XIRP2: variants seen among roughly 807,000 people sequenced by gnomAD.
XIRP2 encodes xin actin-binding repeat-containing protein 2.
Under a neutral mutation model 277.0 loss-of-function variants are expected in XIRP2, and 236 were observed. The observed-to-expected ratio is 0.85, with a 90% CI of 0.77 to 0.95. The LOEUF (loss-of-function observed/expected upper bound fraction) is 0.95. Among genes scored for constraint, XIRP2 ranks in the 40% least tolerant of loss-of-function variants. XIRP2 has a pLI of 0.00. For missense variants in XIRP2, 4,640 were observed against 4,157.5 expected (o/e 1.12, Z -3.19); for synonymous variants, 1,490 against 1,416.5 (o/e 1.05, Z -1.17).
intron 2 of XIRP2, among the ~76,000 whole-genome samples, chr2:167,032,224 A>G (rs1378895656): frequency 6.6e-6 from 1 of 152,156 alleles, no homozygotes; most frequent in African/African-American, 2.4e-5. Flanking sequence ...TATTTAATAA[A>G]TGGTGTTGGG....
chr2:166,913,567 G>A lies in XIRP2; in HGVS notation c.408+9677G>A, dbSNP rs560740979. On this transcript the variant is annotated intron_variant, in intron 2 of 10. Transcript: ENST00000409195. ...CATAGAAGTTTTAAGAGAGAAAGTA[G>A]GAACACATGAGGCCTGTGGAGGGCT... 7.9e-5 allele frequency among the ~76,000 whole-genome samples: 12 copies of A among 152,238 alleles called. No individual in the cohort carries two copies. In the East Asian group the frequency reaches 2.1e-3, roughly 27 times the overall value.
chr2:167,162,709 G>T lies in XIRP2; in HGVS notation c.562+26647G>T, dbSNP rs568146053. On this transcript the variant is annotated intron_variant, in intron 3 of 10. Transcript: ENST00000409195. ...GATATTTTCGTATATTTTTATTGAG[G>T]TATAATTTACACAGAATAAAATACA... Among the ~76,000 whole-genome samples, 72 of 152,188 alleles carry T rather than the reference G, an allele frequency of 4.7e-4. 1 individual carries two copies. Among genetic ancestry groups the T allele is most frequent in the Non-Finnish European group, 7.8e-4 (53 of 67,988 alleles).
At chr2:167,123,449 G>T (rs1007319838) in intron 2 of XIRP2, among the ~76,000 whole-genome samples, 4 of 152,180 alleles carry the variant, frequency 2.6e-5, no homozygotes, top group Admixed American at 6.6e-5. Flanking sequence ...TAGGGGTGCC[G>T]TAACAAAATG....
At chr2:167,018,755 A>C (rs903178618) in intron 2 of XIRP2, among the ~76,000 whole-genome samples, 1 of 151,948 alleles carries the variant, frequency 6.6e-6, no homozygotes, top group Non-Finnish European at 1.5e-5. Flanking sequence ...ATTTCCTACC[A>C]CTTACTGACA....
At chr2:167,040,728 C>A (rs1688638966) in intron 2 of XIRP2, among the ~76,000 whole-genome samples, 1 of 152,180 alleles carries the variant, frequency 6.6e-6, no homozygotes, top group Admixed American at 6.5e-5. Flanking sequence ...CTACCAGGGT[C>A]CCTGTCTGGC....
At chr2:166,907,313 A>G (rs1684549043) in intron 2 of XIRP2, among the ~76,000 whole-genome samples, 1 of 152,364 alleles carries the variant, frequency 6.6e-6, no homozygotes, top group Admixed American at 6.5e-5. Flanking sequence ...AGAATGTCAC[A>G]TCCATTTGTA....
At chr2:167,062,295 C>A (rs1449835451) in intron 2 of XIRP2, among the ~76,000 whole-genome samples, 1 of 152,150 alleles carries the variant, frequency 6.6e-6, no homozygotes, top group African/African-American at 2.4e-5. Flanking sequence ...TCTTGCTATA[C>A]CCCACTGGAC....
chr2:167,004,307 G>A (rs1475425945), intron 2 of XIRP2, among the ~76,000 whole-genome samples: 1 of 151,788 alleles, frequency 6.6e-6, no homozygotes, highest in Non-Finnish European at 1.5e-5. Flanking sequence ...AGACCAAAAG[G>A]AATTTTGTAC....
At chr2:167,035,168 A>G (rs1688476586) in intron 2 of XIRP2, among the ~76,000 whole-genome samples, 1 of 152,170 alleles carries the variant, frequency 6.6e-6, no homozygotes, top group Non-Finnish European at 1.5e-5. Flanking sequence ...ACATGGATTA[A>G]TACAGTAAAT....
chr2:166,985,064 A>G (rs6432962), intron 2 of XIRP2, among the ~76,000 whole-genome samples: 80,295 of 152,124 alleles, frequency 0.53, 23,261 homozygotes, highest in East Asian at 0.82. Context: ...ATTGCCAGAT[A>G]TGTCACATCA....
chr2:166,965,160 G>A (rs1686398723), intron 2 of XIRP2, among the ~76,000 whole-genome samples: 1 of 151,848 alleles, frequency 6.6e-6, no homozygotes, highest in African/African-American at 2.4e-5. Context: ...ATAATAAGGG[G>A]CAGTTCTAAT....
chr2:167,161,222 A>G lies in XIRP2; in HGVS notation c.562+25160A>G, dbSNP rs1692352606. On this transcript the variant is annotated intron_variant, in intron 3 of 10. Transcript: ENST00000409195. ...TGTCTGTGGGTTTTCTAGGCAGACA[A>G]TGCAAGCTGTCAGTGGATATACCAT... Among the ~76,000 whole-genome samples, 3 of 152,148 alleles carry G rather than the reference A, an allele frequency of 2.0e-5. 1 individual carries two copies. The highest frequency in any genetic ancestry group is 2.0e-4 in the Admixed American group (3 of 15,284).
intron 2 of XIRP2, among the ~76,000 whole-genome samples, chr2:166,946,024 G>A (rs1412593105): frequency 1.3e-5 from 2 of 152,090 alleles, no homozygotes; most frequent in Non-Finnish European, 2.9e-5. Context: ...CCACATCATT[G>A]CAAAACAAAT....
chr2:166,989,173 C>T (rs1165840844), intron 2 of XIRP2, among the ~76,000 whole-genome samples: 3 of 114,142 alleles, frequency 2.6e-5, no homozygotes, highest in South Asian at 3.5e-4. Flanking sequence ...CCCTAACCCC[C>T]GAGCAGCCTA....
chr2:167,035,883 G>A (rs1232852277), intron 2 of XIRP2, among the ~76,000 whole-genome samples: 2 of 152,180 alleles, frequency 1.3e-5, no homozygotes, highest in Non-Finnish European at 2.9e-5. Flanking sequence ...GGGACTTGAT[G>A]CCCTCTGTCC....
chr2:167,218,122 C>T (rs1694310670), intron 4 of XIRP2, 44 bp from the exon 5 acceptor site: 2 of 1,442,942 alleles, frequency 1.4e-6, no homozygotes, highest in Non-Finnish European at 1.8e-6. Flanking sequence ...TCCCATCCTG[C>T]ACAGCTGTAA....
In XIRP2 at chr2:167,259,339, C is replaced by T; in HGVS notation, c.*1522C>T. ...CGGTGGAAGAGCAGATTAAAAGAAA[C>T]AGGTGCTACAGTGACACTGAGTAAA... On this transcript the variant is annotated 3_prime_UTR_variant, in exon 11 of 11. Coordinates refer to ENST00000409195, the MANE Select transcript of XIRP2 (RefSeq NM_152381.6). The T allele has an allele frequency of 6.2e-7, 1 of 1,609,168 alleles. No individual in the cohort carries two copies. The highest frequency in any genetic ancestry group is 8.5e-7 in the Non-Finnish European group (1 of 1,178,080).
intron 2 of XIRP2, among the ~76,000 whole-genome samples, chr2:166,984,730 A>G (rs1686958265): frequency 6.6e-6 from 1 of 152,178 alleles, no homozygotes; most frequent in Non-Finnish European, 1.5e-5. Context: ...GAAAACACTG[A>G]TATCAAAAAT....
At chr2:166,986,157 G>T (rs768116227) in intron 2 of XIRP2, among the ~76,000 whole-genome samples, 14 of 152,134 alleles carry the variant, frequency 9.2e-5, no homozygotes, top group Middle Eastern at 3.2e-3. Context: ...AACTGATGAG[G>T]TTCTTTTGTG....
Sources: gnomAD v4.1 joint callset for allele counts (sites outside exome capture counted in the v4.1 genomes callset) on GRCh38, gnomAD v4.1.1 for gene constraint, MANE v1.5 for transcripts, NCBI Gene and HGNC (gene_info 2026-07-23, HGNC 2026-07-21) for gene names.